The following DNAH5 variants were observed in gnomAD, a reference collection of about 807,000 sequenced individuals.
DNAH5 encodes the protein dynein axonemal heavy chain 5, also known as axonemal beta dynein heavy chain 5.
Under a neutral mutation model 518.2 loss-of-function variants are expected in DNAH5, and 372 were observed. That is an observed-to-expected ratio of 0.72 (90% CI 0.66 to 0.78). The LOEUF (loss-of-function observed/expected upper bound fraction) is 0.78. DNAH5 is among the 30% of genes least tolerant of loss of function. DNAH5 has a pLI of 0.00. For synonymous variants in DNAH5, 2,039 were observed against 2,025.9 expected, an observed-to-expected ratio of 1.01 and a Z score of -0.17; for missense variants, 5,523 against 5,687.0, an observed-to-expected ratio of 0.97 and a Z score of 0.93.
chr5:13,727,480 T>C (rs1745907462), intron 70 of DNAH5, 27 bp downstream of exon 70: 2 of 1,588,378 alleles, frequency 1.3e-6, no homozygotes, highest in South Asian at 2.3e-5. Flanking sequence ...TATTCTCTCA[T>C]TTTTCTCTTT....
At chr5:13,984,494 T>G (rs1782896821) in intron 1 of DNAH5, among the ~76,000 whole-genome samples, 1 of 152,218 alleles carries the variant, frequency 6.6e-6, no homozygotes, top group Non-Finnish European at 1.5e-5. Flanking sequence ...TTTGACTTCC[T>G]CTTTTCTTAA....
intron 26 of DNAH5, 119 bp downstream of exon 26, chr5:13,866,101 G>T: frequency 1.0e-6 from 1 of 972,052 alleles, no homozygotes; most frequent in Non-Finnish European, 1.6e-6. Context: ...TATTTTTAAT[G>T]CAAGTACATA....
chr5:13,983,195 G>T (rs1452142506), intron 1 of DNAH5, among the ~76,000 whole-genome samples: 6 of 152,184 alleles, frequency 3.9e-5, no homozygotes, highest in Non-Finnish European at 8.8e-5. Context: ...CCTCCATGCT[G>T]GATGAAGGTG....
At position 13,870,867 on chromosome 5, in the gene DNAH5, C is replaced by A. The variant is rs77939839; in HGVS notation, c.3734G>T (p.Arg1245Leu). ...LIEEFNKKLN[R>L]PIKDLDDIRI... ...AATATCATCTAGGTCCTTAATTGGA[C>A]GATTTAGTTTCTTATTGAATTCTTC... The change falls in exon 24 of 79, where the codon CGT (arginine) becomes CTT (leucine). Residue 1245 changes from arginine to leucine, a missense_variant. Physicochemically the swap from Arg to Leu is moderately radical, Grantham distance 102. This residue lies in a region of DNAH5 where 5,121 missense variants were observed against 5,223.3 expected (regional missense o/e 0.98). Coordinates refer to ENST00000265104, the MANE Select transcript of DNAH5 (RefSeq NM_001369.3). The A allele has an allele frequency of 1.2e-6, 2 of 1,613,658 alleles. No homozygotes were observed. The highest frequency in any genetic ancestry group is 1.3e-5 in the African/African-American group (1 of 74,886).
chr5:13,794,953 C>T (rs1048219598), intron 47 of DNAH5, among the ~76,000 whole-genome samples: 25 of 152,084 alleles, frequency 1.6e-4, no homozygotes, highest in African/African-American at 5.3e-4. Context: ...GGCGACAGAG[C>T]GAGACTCCGT....
intron 48 of DNAH5, 72 bp downstream of exon 48, chr5:13,793,864 T>A (rs147234148): frequency 1.1e-4 from 173 of 1,562,788 alleles, no homozygotes; most frequent in African/African-American, 3.7e-4. Context: ...TTAAAAAAAA[T>A]TTTTAAAAAC....
intron 62 of DNAH5, among the ~76,000 whole-genome samples, chr5:13,753,939 A>C (rs1750617428): frequency 6.6e-6 from 1 of 152,194 alleles, no homozygotes; most frequent in Non-Finnish European, 1.5e-5. Context: ...GGTCGTTAAC[A>C]CATCTAATAA....
At chr5:13,879,078 G>C (rs1054811232) in intron 21 of DNAH5, among the ~76,000 whole-genome samples, 1 of 152,160 alleles carries the variant, frequency 6.6e-6, no homozygotes, top group African/African-American at 2.4e-5. Flanking sequence ...GAAATCTCTG[G>C]TTAGTCGAAA....
intron 31 of DNAH5, among the ~76,000 whole-genome samples, chr5:13,846,530 G>T (rs949377678): frequency 4.6e-5 from 7 of 152,144 alleles, no homozygotes; most frequent in Non-Finnish European, 2.9e-5. Flanking sequence ...GACTCGTTTT[G>T]CTGAGTGGGG....
intron 78 of DNAH5, among the ~76,000 whole-genome samples, chr5:13,697,537 T>C (rs937223291): frequency 1.4e-4 from 22 of 152,176 alleles, no homozygotes; most frequent in African/African-American, 4.8e-4. Flanking sequence ...CAGAATCATT[T>C]CTCTAGCAAA....
chr5:13,978,540 G>A (rs1190925097), intron 1 of DNAH5, among the ~76,000 whole-genome samples: 1 of 152,132 alleles, frequency 6.6e-6, no homozygotes, highest in Non-Finnish European at 1.5e-5. Context: ...ACCACATAAC[G>A]ACATTTCAGT....
chr5:13,844,178 G>A (rs1354151829), intron 32 of DNAH5, among the ~76,000 whole-genome samples: 1 of 152,180 alleles, frequency 6.6e-6, no homozygotes, highest in Non-Finnish European at 1.5e-5. Context: ...ATGACATCTG[G>A]AACATGGTAG....
chr5:13,714,531 C>T lies in DNAH5; in HGVS notation c.12999G>A (p.Leu4333=). The part of the protein sequence containing the change: ...TYQSKLAKDV[L]DTILGIQPKD... ...TGGGTTGGATGCCTAGGATGGTGTC[C>T]AGCACGTCCTTGGCCAGCTTGCTCT... Residue 4333 remains leucine (L), a synonymous_variant, in exon 75 of 79, where the codon CTG becomes CTA. Transcript: ENST00000265104. The T allele has an allele frequency of 1.2e-6, 2 of 1,614,174 alleles. No individual in the cohort carries two copies. Among genetic ancestry groups the T allele is most frequent in the Non-Finnish European group, 1.7e-6 (2 of 1,180,012 alleles).
chr5:13,895,567 T>C (rs1210110553), intron 15 of DNAH5, among the ~76,000 whole-genome samples: 1 of 152,114 alleles, frequency 6.6e-6, no homozygotes, highest in Non-Finnish European at 1.5e-5. Context: ...TCGCCAGAGG[T>C]CTACCTCAGC....
rs1354589314 is a variant in DNAH5 at position 13,810,167 on chromosome 5, G to A, written c.7501C>T (p.Arg2501Trp). 2 of 1,548,458 alleles carry A rather than the reference G, an allele frequency of 1.3e-6. No homozygotes were observed. The highest frequency in any genetic ancestry group is 1.7e-6 in the Non-Finnish European group (2 of 1,145,638). ...SAGAALELDG[R>W]RRLELWLRSR... ...CGCAGCCAGAGCTCCAGGCGGCGCC[G>A]TCCGTCCAGCTCCAGCGCCGCCCCC... Residue 2501 changes from arginine to tryptophan, a missense_variant, in exon 45 of 79, where the codon CGG becomes TGG. Arg to Trp is a moderately radical substitution (Grantham distance 101). This residue lies in a region of DNAH5 where 5,121 missense variants were observed against 5,223.3 expected (regional missense o/e 0.98). Transcript: ENST00000265104.
chr5:13,777,476 C>T (rs1039560552), intron 53 of DNAH5, 121 bp from the exon 54 acceptor site: 16 of 747,924 alleles, frequency 2.1e-5, no homozygotes, highest in African/African-American at 1.2e-4. Flanking sequence ...CTATCGTATA[C>T]GTATGTATTC....
chr5:13,829,969 G>A (rs1763419277), intron 37 of DNAH5, 57 bp downstream of exon 37: 1 of 1,470,382 alleles, frequency 6.8e-7, no homozygotes, highest in Non-Finnish European at 9.5e-7. Flanking sequence ...CCAGGGAGAT[G>A]CATGAAAATT....
chr5:13,839,677 A>G, intron 34 of DNAH5, 149 bp from the exon 35 acceptor site: 2 of 694,298 alleles, frequency 2.9e-6, no homozygotes, highest in Non-Finnish European at 5.0e-6. Context: ...ATCACCAGCC[A>G]AGCTATTCAT....
intron 19 of DNAH5, 95 bp downstream of exon 19, chr5:13,884,894 G>A: frequency 1.3e-6 from 2 of 1,544,704 alleles, no homozygotes; most frequent in Non-Finnish European, 1.8e-6. Flanking sequence ...TAACAGGAAT[G>A]TACATGCACG....
Sources: gnomAD v4.1 joint callset for allele counts (sites outside exome capture counted in the v4.1 genomes callset) on GRCh38, gnomAD v4.1.1 for gene constraint, gnomAD v4.1.1 regional missense constraint, MANE v1.5 for transcripts, NCBI Gene and HGNC (gene_info 2026-07-23, HGNC 2026-07-21) for gene names.